Variants in STIM2 observed in about 807,000 individuals in gnomAD.
STIM2 encodes stromal interaction molecule 2.
In STIM2, 31 loss-of-function variants were observed where a neutral mutation model predicts 85.8. The observed-to-expected ratio is 0.36, with a 90% CI of 0.27 to 0.49. The LOEUF is 0.49. STIM2 is among the 20% of genes least tolerant of loss of function. The probability of loss-of-function intolerance (pLI) is 0.98; values close to 1 mark genes in which losing one functional copy is unlikely to be tolerated. For synonymous variants in STIM2, 356 were observed against 331.1 expected (o/e 1.08, Z -0.82); for missense variants, 841 against 927.6 (o/e 0.91, Z 1.21).
Position 27,025,272 on chromosome 4 carries a change from A to G in STIM2, c.*2276A>G, listed in dbSNP as rs1729048274. On this transcript the variant is annotated 3_prime_UTR_variant, in exon 12 of 12. Coordinates refer to ENST00000467087, the MANE Select transcript of STIM2 (RefSeq NM_020860.4). ...GTAATTTCTGTATTACATCATTTAT[A>G]TGTGAAAAGTTGGACATTTCTGTAA... The G allele has an allele frequency of 6.6e-6, 1 of 152,070 alleles. No homozygotes were observed. Among genetic ancestry groups the G allele is most frequent in the South Asian group, 2.1e-4 (1 of 4,826 alleles). 9.4% of individuals were successfully genotyped at this position (152,070 alleles called of 1,614,324 possible). A position where few individuals can be genotyped will look rare whatever the true frequency, so the allele number is the denominator to read the frequency against.
intron 4 of STIM2, among the ~76,000 whole-genome samples, chr4:26,996,227 G>T (rs908461223): frequency 6.6e-6 from 1 of 151,852 alleles, no homozygotes; most frequent in East Asian, 1.9e-4. Context: ...AGTACCAAAT[G>T]ATATAATTTA....
At position 26,935,596 on chromosome 4, in the gene STIM2, C is replaced by T. The variant is rs143416828; in HGVS notation, c.282+15962C>T. ...GTTAGAAATGCAAATTCTTGAGCCC[C>T]ACCCCAACCCTACTGAATCAGCAGC... On this transcript the variant is annotated intron_variant, in intron 2 of 11. Transcript: ENST00000467087. Among the ~76,000 whole-genome samples, 9 of 152,280 alleles carry T rather than the reference C, an allele frequency of 5.9e-5. No individual in the cohort carries two copies. The East Asian group carries it at 1.2e-3, about 20-fold the overall frequency.
chr4:26,922,029 A>G (rs1165667423), intron 2 of STIM2, among the ~76,000 whole-genome samples: 1 of 152,184 alleles, frequency 6.6e-6, no homozygotes, highest in Non-Finnish European at 1.5e-5. Context: ...TCCAACTTAA[A>G]AAGTATTTGA....
chr4:26,991,738 A>G (rs535660874), intron 3 of STIM2, among the ~76,000 whole-genome samples: 2 of 152,250 alleles, frequency 1.3e-5, no homozygotes, highest in South Asian at 2.1e-4. Context: ...TAGTTAAATA[A>G]TGTGGCTATG....
intron 8 of STIM2, chr4:27,008,143 C>A (rs1728434653): frequency 3.4e-6 from 2 of 591,270 alleles, no homozygotes; most frequent in Non-Finnish European, 6.0e-6. Flanking sequence ...AGCTAATGTT[C>A]TTCTGTTACT....
At chr4:26,953,048 GACTC>G (rs1246866693) in intron 2 of STIM2, among the ~76,000 whole-genome samples, 2 of 152,112 alleles carry the variant, frequency 1.3e-5, no homozygotes, top group Admixed American at 6.6e-5. Context: ...CTGTTTTACT[GACTC>G]ACATATCAGA....
rs1728974988 is a variant in STIM2, at chr4:27,023,287, T to C, written c.*291T>C. 1 of 328,324 alleles carries C rather than the reference T, an allele frequency of 3.0e-6. No homozygotes were observed. The highest frequency in any genetic ancestry group is 4.5e-5 in the Admixed American group (1 of 22,324). 20.3% of individuals were successfully genotyped at this position (328,324 alleles called of 1,614,324 possible). ...TCTGCTTTGTTCTCAGTGATGTATA[T>C]GCAACATTTTGTTGAAAGCCACGAT... On this transcript the variant is annotated 3_prime_UTR_variant, in exon 12 of 12. Coordinates refer to ENST00000467087, the MANE Select transcript of STIM2 (RefSeq NM_020860.4).
Position 26,978,483 on chromosome 4 carries a change from T to C in STIM2, c.398-16896T>C, listed in dbSNP as rs542799824. ...GGTCCTGTCTTTCTCTGTTTCTTTC[T>C]GGATTTTGGTGTTATTTTCTCCTCC... is the stretch of plus-strand genomic sequence containing the variant. On this transcript the variant is annotated intron_variant, in intron 3 of 11. Transcript: ENST00000467087. Among the ~76,000 whole-genome samples, 3 of 152,176 alleles carry C rather than the reference T, an allele frequency of 2.0e-5. No homozygotes were observed. In the East Asian group the frequency reaches 5.8e-4, roughly 29 times the overall value.
intron 2 of STIM2, among the ~76,000 whole-genome samples, chr4:26,953,034 C>G (rs1246220285): frequency 6.6e-6 from 1 of 151,964 alleles, no homozygotes; most frequent in Non-Finnish European, 1.5e-5. Context: ...TATGAAGAAC[C>G]CATCTGTTTT....
chr4:26,980,106 C>G (rs1316724749), intron 3 of STIM2, among the ~76,000 whole-genome samples: 1 of 152,076 alleles, frequency 6.6e-6, no homozygotes, highest in Non-Finnish European at 1.5e-5. Context: ...TCATAATTAT[C>G]TAAAATGGCA....
At chr4:26,874,798 A>G (rs1213674832) in intron 1 of STIM2, among the ~76,000 whole-genome samples, 1 of 152,198 alleles carries the variant, frequency 6.6e-6, no homozygotes, top group Non-Finnish European at 1.5e-5. Context: ...TATTAAACAA[A>G]TGTTTGAATG....
intron 1 of STIM2, among the ~76,000 whole-genome samples, chr4:26,896,865 A>G (rs140143996): frequency 1.1e-4 from 17 of 152,296 alleles, no homozygotes; most frequent in African/African-American, 4.1e-4. Flanking sequence ...CTTCCCCTTC[A>G]TAGTCAAACC....
chr4:26,963,063 G>A (rs1047291326), intron 3 of STIM2, among the ~76,000 whole-genome samples: 3 of 152,132 alleles, frequency 2.0e-5, no homozygotes, highest in Non-Finnish European at 4.4e-5. Context: ...AATAGTCTGA[G>A]AGAAGAAAGA....
intron 2 of STIM2, 91 bp from the exon 3 acceptor site, chr4:26,957,521 C>A: frequency 1.4e-6 from 1 of 695,706 alleles, no homozygotes; most frequent in East Asian, 3.2e-5. Context: ...TGAAAATAGT[C>A]ACCCACTGGA....
intron 2 of STIM2, among the ~76,000 whole-genome samples, chr4:26,945,732 C>T (rs1350114898): frequency 6.6e-6 from 1 of 152,046 alleles, no homozygotes; most frequent in Non-Finnish European, 1.5e-5. Flanking sequence ...TGCTTGTTGG[C>T]TGTATGTATG....
At chr4:26,898,826 A>T (rs1030233571) in intron 1 of STIM2, among the ~76,000 whole-genome samples, 2 of 152,158 alleles carry the variant, frequency 1.3e-5, no homozygotes, top group African/African-American at 4.8e-5. Context: ...ACATTAAAAA[A>T]TTCATTTTCT....
intron 3 of STIM2, among the ~76,000 whole-genome samples, chr4:26,976,837 CA>C: frequency 6.6e-6 from 1 of 152,206 alleles, no homozygotes; most frequent in South Asian, 2.1e-4. Context: ...TCCTGTGAGA[CA>C]GGACAGGCAT....
intron 1 of STIM2, among the ~76,000 whole-genome samples, chr4:26,891,586 C>T (rs909188597): frequency 6.6e-6 from 1 of 151,260 alleles, no homozygotes; most frequent in Non-Finnish European, 1.5e-5. Context: ...CACACACACA[C>T]ACACACACAC....
rs551715810 is a variant in STIM2, at chr4:26,951,974, A to G, written c.283-5638A>G. Reference sequence around the variant, plus strand: ...GGTGGGAGGCAAAAGGACTTCTTACATGGCGGCAGCAAGAGAAAATGAGGA... The same window carrying G: ...GGTGGGAGGCAAAAGGACTTCTTACGTGGCGGCAGCAAGAGAAAATGAGGA... On this transcript the variant is annotated intron_variant, in intron 2 of 11. Transcript: ENST00000467087. 3.3e-5 allele frequency among the ~76,000 whole-genome samples: 5 copies of G among 152,142 alleles called. No individual in the cohort carries two copies. In the South Asian group the frequency reaches 8.3e-4, roughly 25 times the overall value.
Sources: allele counts gnomAD v4.1 joint callset (sites outside exome capture counted in the v4.1 genomes callset), GRCh38; gene constraint gnomAD v4.1.1; transcripts MANE v1.5; gene names NCBI Gene and HGNC (gene_info 2026-07-23, HGNC 2026-07-21).